Variants in CERKL observed in about 807,000 individuals in gnomAD.
CERKL encodes ceramide kinase-like protein.
A neutral mutation model predicts 63.4 loss-of-function variants in CERKL; 61 were observed. The observed-to-expected ratio is 0.96, with a 90% confidence interval of 0.78 to 1.19. CERKL has a LOEUF of 1.19. Ranked by LOEUF, CERKL falls within the 50% of genes most tolerant of loss-of-function variation. The pLI is 0.00. For synonymous variants in CERKL, 250 were observed against 230.5 expected, an observed-to-expected ratio of 1.08 and a Z score of -0.77; for missense variants, 675 against 655.5, an observed-to-expected ratio of 1.03 and a Z score of -0.33.
At chr2:181,563,333 TA>T (rs559547543) in intron 4 of CERKL, among the ~76,000 whole-genome samples, 1 of 151,880 alleles carries the variant, frequency 6.6e-6, no homozygotes, top group Non-Finnish European at 1.5e-5. Flanking sequence ...TGTAATTCAT[TA>T]AAAAAAATAA....
At chr2:181,628,986 A>G (rs1206725306) in intron 1 of CERKL, among the ~76,000 whole-genome samples, 1 of 152,198 alleles carries the variant, frequency 6.6e-6, no homozygotes, top group Non-Finnish European at 1.5e-5. Flanking sequence ...TAGAGTAGTA[A>G]AAGCTTAAAT....
chr2:181,632,227 T>C (rs944067847), intron 1 of CERKL, among the ~76,000 whole-genome samples: 3 of 152,202 alleles, frequency 2.0e-5, no homozygotes, highest in African/African-American at 7.2e-5. Context: ...TCTAAAAATA[T>C]TTATCCTAAG....
intron 3 of CERKL, among the ~76,000 whole-genome samples, chr2:181,569,998 G>C (rs774678634): frequency 6.6e-6 from 1 of 152,038 alleles, no homozygotes; most frequent in African/African-American, 2.4e-5. Context: ...TAGTGACCTT[G>C]GGCTGAATAT....
chr2:181,573,070 C>T (rs952225611), intron 3 of CERKL, among the ~76,000 whole-genome samples: 12 of 151,952 alleles, frequency 7.9e-5, no homozygotes, highest in African/African-American at 2.7e-4. Context: ...AGGAAGGTTG[C>T]GATTCTCCAT....
intron 1 of CERKL, among the ~76,000 whole-genome samples, chr2:181,611,702 C>T (rs557087407): frequency 1.3e-5 from 2 of 151,934 alleles, no homozygotes; most frequent in Non-Finnish European, 2.9e-5. Flanking sequence ...AATAAAATGC[C>T]GGGCTGACTA....
chr2:181,573,649 GAT>G (rs1689003222), intron 3 of CERKL, 102 bp downstream of exon 3: 7 of 963,590 alleles, frequency 7.3e-6, no homozygotes, highest in Middle Eastern at 2.9e-4. Flanking sequence ...AAATGCTATA[GAT>G]ATTACAAGTA....
intron 1 of CERKL, among the ~76,000 whole-genome samples, chr2:181,615,025 C>T (rs1159983937): frequency 6.6e-6 from 1 of 152,164 alleles, no homozygotes; most frequent in Non-Finnish European, 1.5e-5. Context: ...TAGTATCATA[C>T]TGGTTATAGC....
chr2:181,637,085 C>T (rs1687210557), intron 1 of CERKL, among the ~76,000 whole-genome samples: 1 of 152,018 alleles, frequency 6.6e-6, no homozygotes, highest in East Asian at 1.9e-4. Context: ...TTAAACTATG[C>T]TGAGATATCA....
At chr2:181,640,337 T>A (rs1176508670) in intron 1 of CERKL, among the ~76,000 whole-genome samples, 1 of 152,106 alleles carries the variant, frequency 6.6e-6, no homozygotes, top group South Asian at 2.1e-4. Flanking sequence ...CACGTACACA[T>A]GTAGACACAC....
At chr2:181,560,863 T>A (rs1433501045) in intron 4 of CERKL, among the ~76,000 whole-genome samples, 2 of 152,088 alleles carry the variant, frequency 1.3e-5, no homozygotes, top group East Asian at 3.9e-4. Flanking sequence ...TTAGAAAAAA[T>A]ATGTATTTAT....
intron 1 of CERKL, among the ~76,000 whole-genome samples, chr2:181,612,199 T>G (rs1443190751): frequency 1.3e-5 from 2 of 152,236 alleles, no homozygotes; most frequent in East Asian, 3.8e-4. Flanking sequence ...TTACTACAAC[T>G]CGTTAACAAC....
chr2:181,558,708 A>G lies in CERKL; in HGVS notation c.678T>C (p.Gly226=). The change falls in exon 5 of 13, where the codon GGT becomes GGC. Residue 226 remains glycine, a splice_region_variant and synonymous_variant. Coordinates refer to ENST00000410087, the MANE Select transcript of CERKL (RefSeq NM_201548.5). The surrounding 1 kb of genome is among the most constrained non-coding windows in gnomAD (Gnocchi z 4.2). Reference sequence around the variant, plus strand: ...ATCCATCTCCACCAACACAGACAACACTAGAAAAATACAAATCAAGCAAAG... The same window carrying G: ...ATCCATCTCCACCAACACAGACAACGCTAGAAAAATACAAATCAAGCAAAG... The part of the protein sequence containing the change: ...LKECELQGFD[G]VVCVGGDGSA... 1.9e-6 allele frequency: 3 copies of G among 1,613,478 alleles called. No homozygotes were observed. Among genetic ancestry groups the G allele is most frequent in the Non-Finnish European group, 2.5e-6 (3 of 1,179,698 alleles).
chr2:181,621,939 C>A (rs1686472862), intron 1 of CERKL, among the ~76,000 whole-genome samples: 2 of 152,122 alleles, frequency 1.3e-5, no homozygotes, highest in African/African-American at 4.8e-5. Context: ...ACTGTGCAGT[C>A]TTTTAGAAAA....
At chr2:181,557,070 C>T (rs945179174) in intron 5 of CERKL, among the ~76,000 whole-genome samples, 30 of 152,114 alleles carry the variant, frequency 2.0e-4, no homozygotes, top group Non-Finnish European at 3.5e-4. Flanking sequence ...TCATATCCTT[C>T]GCCCACTTGT....
intron 1 of CERKL, among the ~76,000 whole-genome samples, chr2:181,629,652 T>A (rs1686865495): frequency 2.6e-5 from 4 of 152,124 alleles, no homozygotes; most frequent in Admixed American, 2.6e-4. Context: ...AAAAACTCAG[T>A]TATGAATTCA....
rs1306469245 is a variant in CERKL at position 181,537,237 on chromosome 2, A to G, written c.*947T>C. 2.2e-6 allele frequency: 1 copy of G among 453,792 alleles called. No homozygotes were observed. Among genetic ancestry groups the G allele is most frequent in the African/African-American group, 2.0e-5 (1 of 49,998 alleles). 28.1% of individuals were successfully genotyped at this position (453,792 alleles called of 1,614,324 possible). On this transcript the variant is annotated 3_prime_UTR_variant, in exon 13 of 13. Coordinates refer to ENST00000410087, the MANE Select transcript of CERKL (RefSeq NM_201548.5). The stretch of plus-strand genomic sequence containing the variant: ...AACTGTCTTCTCCAGGATGGTCTCT[A>G]AGGAAATTTACATTTGGTTCTTTCC...
intron 2 of CERKL, among the ~76,000 whole-genome samples, chr2:181,599,661 A>G (rs553640821): frequency 6.6e-6 from 1 of 152,178 alleles, no homozygotes; most frequent in African/African-American, 2.4e-5. Flanking sequence ...ACAAACATAA[A>G]GAATCTGAAA....
At position 181,549,647 on chromosome 2, in the gene CERKL, C is replaced by T. The variant is rs955229925; in HGVS notation, c.882G>A (p.Leu294=). 6.2e-7 allele frequency: 1 copy of T among 1,608,868 alleles called. No individual in the cohort carries two copies. The highest frequency in any genetic ancestry group is 2.2e-5 in the East Asian group (1 of 44,714). ...AAGAATTCTTACCCATTATAATGTG[C>T]AATGTTGCAGTTATCACATGAGGAA... ...HGVPHVITAT[L]HIIMGHVQLV... is the part of the protein sequence containing the mutation. The change falls in exon 6 of 13, where the codon TTG becomes TTA. Residue 294 remains leucine (L), a synonymous_variant. Transcript: ENST00000410087.
rs1011498696 is a variant in CERKL at position 181,656,668 on chromosome 2, A to C, written c.238+101T>G. ...GGCGAGCACGGGGAGGGGAGGCGAG[A>C]AAAGGGGAGGGTGGAGCAAAAGCTC... is the stretch of plus-strand genomic sequence containing the variant. On this transcript the variant is annotated intron_variant, in intron 1 of 12. Transcript: ENST00000410087. 12 of 1,035,114 alleles carry C rather than the reference A, an allele frequency of 1.2e-5. No homozygotes were observed. In the Admixed American group the frequency reaches 3.4e-4, roughly 29 times the overall value. 64.1% of individuals were successfully genotyped at this position (1,035,114 alleles called of 1,614,324 possible). A position where few individuals can be genotyped will look rare whatever the true frequency, so the allele number is the denominator to read the frequency against.
Sources: gnomAD v4.1 joint callset for allele counts (sites outside exome capture counted in the v4.1 genomes callset) on GRCh38, gnomAD v4.1.1 for gene constraint, Gnocchi (gnomAD v3.1) non-coding constraint, MANE v1.5 for transcripts, NCBI Gene and HGNC (gene_info 2026-07-23, HGNC 2026-07-21) for gene names.